ABCC5: variants seen among roughly 807,000 people sequenced by gnomAD.
ABCC5 encodes ATP binding cassette subfamily C member 5.
A neutral mutation model predicts 160.9 loss-of-function variants in ABCC5; 61 were observed. That is an observed-to-expected ratio of 0.38 (90% CI 0.31 to 0.47). ABCC5 has a LOEUF of 0.47. Among genes scored for constraint, ABCC5 ranks in the 20% least tolerant of loss-of-function variants. The pLI, the probability that ABCC5 is intolerant of heterozygous loss-of-function variation, is 0.99. For synonymous variants in ABCC5, 666 were observed against 700.6 expected (o/e 0.95, Z 0.78); for missense variants, 1,308 against 1,813.3 (o/e 0.72, Z 5.06).
intron 26 of ABCC5, among the ~76,000 whole-genome samples, chr3:183,930,239 A>G (rs1232323085): frequency 6.6e-6 from 1 of 152,088 alleles, no homozygotes; most frequent in African/African-American, 2.4e-5. Context: ...TTATCACAGA[A>G]CTCTAGTGAG....
chr3:184,002,665 G>C (rs1462168830), intron 2 of ABCC5, among the ~76,000 whole-genome samples: 2 of 152,180 alleles, frequency 1.3e-5, no homozygotes, highest in Admixed American at 6.5e-5. Flanking sequence ...CATTTTAACA[G>C]GCTGCCAGAG....
intron 11 of ABCC5, among the ~76,000 whole-genome samples, chr3:183,971,305 A>G (rs1577563196): frequency 6.6e-6 from 1 of 152,216 alleles, no homozygotes; most frequent in Non-Finnish European, 1.5e-5. Flanking sequence ...TTGGGGAAAA[A>G]TCCTGGAAAA....
chr3:183,979,228 C>G (rs974395972), intron 8 of ABCC5, among the ~76,000 whole-genome samples: 1 of 151,942 alleles, frequency 6.6e-6, no homozygotes, highest in African/African-American at 2.4e-5. Context: ...GCCTATGATC[C>G]CAGCTACTTG....
rs1719082515 is a variant in ABCC5 at position 183,985,033 on chromosome 3, AC to A, written c.592-2027del. ...GGTAAAAGACATAGTGAATGTTTAC[AC>A]TATGCGAAACTTTCAAAGGGGGGGA... is the stretch of plus-strand genomic sequence containing the variant. On this transcript the variant is annotated intron_variant, in intron 5 of 29. Coordinates refer to ENST00000334444, the MANE Select transcript of ABCC5 (RefSeq NM_005688.4). 4.1e-6 allele frequency: 3 copies of A among 736,516 alleles called. No individual in the cohort carries two copies. In the East Asian group the frequency reaches 8.1e-5, roughly 20 times the overall value. 45.6% of individuals were successfully genotyped at this position (736,516 alleles called of 1,614,324 possible). A position where few individuals can be genotyped will look rare whatever the true frequency, so the allele number is the denominator to read the frequency against.
At chr3:184,010,877 A>C (rs1006736135) in intron 2 of ABCC5, among the ~76,000 whole-genome samples, 28 of 145,194 alleles carry the variant, frequency 1.9e-4, no homozygotes, top group Admixed American at 1.6e-3. Flanking sequence ...GGTTCACTGC[A>C]ACTTCCGCCT....
intron 2 of ABCC5, among the ~76,000 whole-genome samples, chr3:184,009,163 A>T (rs1721482704): frequency 6.6e-6 from 1 of 152,108 alleles, no homozygotes; most frequent in Admixed American, 6.6e-5. Flanking sequence ...CCAGCAGCAC[A>T]GGTCTCCTGC....
rs1716984685 is a variant in ABCC5, at chr3:183,963,735, G to C, written c.2032-147C>G. The C allele has an allele frequency of 1.3e-6, 1 of 757,348 alleles. No homozygotes were observed. Among genetic ancestry groups the C allele is most frequent in the South Asian group, 1.8e-5 (1 of 54,932 alleles). 46.9% of individuals were successfully genotyped at this position (757,348 alleles called of 1,614,324 possible). A position where few individuals can be genotyped will look rare whatever the true frequency, so the allele number is the denominator to read the frequency against. On this transcript the variant is annotated intron_variant, in intron 14 of 29. Transcript: ENST00000334444. This position sits in a 1 kb window ranked among gnomAD's most constrained non-coding sequence, Gnocchi z 4.6. ...TGAACTGCCATGCTGATTCCCCGCA[G>C]ATGAACTGCCATGCTGATCCTTCAA... is the stretch of plus-strand genomic sequence containing the variant.
chr3:183,933,814 T>G (rs1713413080), intron 26 of ABCC5, among the ~76,000 whole-genome samples: 1 of 152,214 alleles, frequency 6.6e-6, no homozygotes, highest in Non-Finnish European at 1.5e-5. Context: ...TTACCTTGCT[T>G]TTCCTCTAAG....
intron 17 of ABCC5, among the ~76,000 whole-genome samples, chr3:183,958,984 A>T (rs1716483236): frequency 6.6e-6 from 1 of 151,978 alleles, no homozygotes. Flanking sequence ...TGGATTCAAA[A>T]GGGTGAGGTA....
Position 183,982,653 on chromosome 3 carries a change from C to A in ABCC5, c.826-29G>T. 2 of 1,612,386 alleles carry A rather than the reference C, an allele frequency of 1.2e-6. No individual in the cohort carries two copies. The highest frequency in any genetic ancestry group is 1.7e-6 in the Non-Finnish European group (2 of 1,178,800). On this transcript the variant is annotated intron_variant, in intron 6 of 29. Transcript: ENST00000334444. The surrounding 1 kb of genome is among the most constrained non-coding windows in gnomAD (Gnocchi z 5.2). ...TAAGATACAAAGAGTAGTGAGGGGA[C>A]CCTGCAAGGACACGGTTCATTTGTC...
Position 183,971,551 on chromosome 3 carries a change from C to T in ABCC5, c.1761+12G>A, listed in dbSNP as rs371985337. The T allele has an allele frequency of 9.6e-5, 155 of 1,610,012 alleles. No individual in the cohort carries two copies. Among genetic ancestry groups the T allele is most frequent in the Non-Finnish European group, 1.2e-4 (144 of 1,178,616 alleles). On this transcript the variant is annotated intron_variant, in intron 11 of 29. Coordinates refer to ENST00000334444, the MANE Select transcript of ABCC5 (RefSeq NM_005688.4). Reference sequence around the variant, plus strand: ...GGGGTGCGGGCAGGGAGGCAGGGGGCGGACCACTTACCTCTTGGATCTCCA... The same window carrying T: ...GGGGTGCGGGCAGGGAGGCAGGGGGTGGACCACTTACCTCTTGGATCTCCA...
At chr3:184,010,854 A>G (rs368673360) in intron 2 of ABCC5, among the ~76,000 whole-genome samples, 37 of 145,998 alleles carry the variant, frequency 2.5e-4, no homozygotes, top group African/African-American at 9.2e-4. Context: ...CTGGAGTGCA[A>G]TGGCGCGATC....
chr3:183,932,790 C>T (rs1399804104), intron 26 of ABCC5, among the ~76,000 whole-genome samples: 1 of 152,006 alleles, frequency 6.6e-6, no homozygotes, highest in East Asian at 1.9e-4. Context: ...ATAGTGAAAC[C>T]TCACTATTTG....
At chr3:183,965,081 C>A in intron 14 of ABCC5, 104 bp downstream of exon 14, 2 of 1,188,278 alleles carry the variant, frequency 1.7e-6, no homozygotes. Flanking sequence ...GCCTAACTCC[C>A]TGTGAGGCTC....
Position 183,951,991 on chromosome 3 carries a change from TCA to T in ABCC5, c.2678_2679del (p.Val893AspfsTer10). On this transcript the variant is annotated frameshift_variant, in exon 19 of 30. Coordinates refer to ENST00000334444, the MANE Select transcript of ABCC5 (RefSeq NM_005688.4). LOFTEE classifies it high-confidence loss of function. The surrounding 1 kb of genome is among the most constrained non-coding windows in gnomAD (Gnocchi z 4.7). ...WIKQGSGNTT[V>X]TRGNETSVSD... is the part of the protein sequence containing the mutation. ...CTCACCGAGGTCTCGTTCCCTCGAG[TCA>T]CAGTGGTGTTCTGTTTGAAGCCAAA... 6.2e-7 allele frequency: 1 copy of T among 1,611,490 alleles called. No homozygotes were observed. Among genetic ancestry groups the T allele is most frequent in the Non-Finnish European group, 8.5e-7 (1 of 1,178,046 alleles).
At chr3:183,923,928 T>G (rs1366020493) in intron 29 of ABCC5, among the ~76,000 whole-genome samples, 1 of 151,958 alleles carries the variant, frequency 6.6e-6, no homozygotes, top group African/African-American at 2.4e-5. Context: ...GACAGTGTGC[T>G]GGCAGTGCGG....
At position 183,988,443 on chromosome 3, in the gene ABCC5, T is replaced by C. The variant is rs1009830514; in HGVS notation, c.443+129A>G. 1.7e-6 allele frequency: 2 copies of C among 1,159,532 alleles called. No individual in the cohort carries two copies. The highest frequency in any genetic ancestry group is 1.5e-5 in the African/African-American group (1 of 64,688). The allele number at this position is 1,159,532 out of a possible 1,614,324, so 71.8% of individuals were successfully genotyped here. On this transcript the variant is annotated intron_variant, in intron 4 of 29. Transcript: ENST00000334444. This position sits in a 1 kb window ranked among gnomAD's most constrained non-coding sequence, Gnocchi z 4.4. ...AAGCAAAAGAGCAAAGAGAAAGTCA[T>C]CCCCAGGCCGCCCGCCCTCCACTGG...
intron 25 of ABCC5, among the ~76,000 whole-genome samples, chr3:183,941,100 TCC>T (rs1319115776): frequency 6.6e-6 from 1 of 152,220 alleles, no homozygotes; most frequent in Non-Finnish European, 1.5e-5. Context: ...CGTCAGGTGA[TCC>T]ACCAGCCTGG....
chr3:183,924,581 A>C (rs1712339182), intron 29 of ABCC5, among the ~76,000 whole-genome samples: 2 of 152,240 alleles, frequency 1.3e-5, no homozygotes. Context: ...TTATTAATTT[A>C]CTTGTATCCT....
Sources: gnomAD v4.1 joint callset for allele counts (sites outside exome capture counted in the v4.1 genomes callset) on GRCh38, gnomAD v4.1.1 for gene constraint, Gnocchi (gnomAD v3.1) non-coding constraint, MANE v1.5 for transcripts, NCBI Gene and HGNC (gene_info 2026-07-23, HGNC 2026-07-21) for gene names.